The following ZMYND11 variants were observed in gnomAD, a reference collection of about 807,000 sequenced individuals.
ZMYND11 encodes zinc finger MYND domain-containing protein 11.
ZMYND11 carries 9 observed loss-of-function variants against 84.9 expected under a neutral mutation model. That is an observed-to-expected ratio of 0.11 (90% CI 0.06 to 0.18). The LOEUF is 0.18. ZMYND11 is among the 10% of genes least tolerant of loss of function. The pLI, the probability that ZMYND11 is intolerant of heterozygous loss-of-function variation, is 1.00. For missense variants in ZMYND11, 409 were observed against 761.0 expected (o/e 0.54, Z 5.44); for synonymous variants, 250 against 244.1 (o/e 1.02, Z -0.23).
At chr10:210,182 T>TA in intron 3 of ZMYND11, 134 bp downstream of exon 3, 1 of 953,664 alleles carries the variant, frequency 1.0e-6, no homozygotes. Flanking sequence ...ATTAAGGCTC[T>TA]ACATTGGTAG....
At chr10:249,622 T>C (rs1952922248) in intron 14 of ZMYND11, 2 of 985,306 alleles carry the variant, frequency 2.0e-6, no homozygotes, top group South Asian at 4.7e-5. Context: ...CGTGTCCTGC[T>C]CGCCAGTCTC....
intron 11 of ZMYND11, 159 bp downstream of exon 11, chr10:247,132 T>A: frequency 2.5e-6 from 2 of 812,458 alleles, no homozygotes; most frequent in Non-Finnish European, 3.9e-6. Context: ...GCAGTTCAAA[T>A]GAATACATAG....
chr10:234,415 A>G (rs1014773663), intron 4 of ZMYND11, among the ~76,000 whole-genome samples: 1 of 152,214 alleles, frequency 6.6e-6, no homozygotes, highest in African/African-American at 2.4e-5. Context: ...GAAATGATGG[A>G]AGGCTGTGCA....
chr10:205,732 A>G (rs747404242), intron 2 of ZMYND11, among the ~76,000 whole-genome samples: 3 of 151,474 alleles, frequency 2.0e-5, no homozygotes, highest in Non-Finnish European at 4.4e-5. Context: ...GATTCTACAC[A>G]TTTTCTTTTT....
chr10:209,826 T>A, intron 2 of ZMYND11, 63 bp from the exon 3 acceptor site: 1 of 1,474,658 alleles, frequency 6.8e-7, no homozygotes, highest in South Asian at 1.3e-5. Context: ...ATTTTCTTAT[T>A]TTCATTCATT....
intron 2 of ZMYND11, among the ~76,000 whole-genome samples, chr10:186,148 T>C (rs1938358800): frequency 6.6e-6 from 1 of 151,608 alleles, no homozygotes; most frequent in Non-Finnish European, 1.5e-5. Context: ...TAGCTAGGAC[T>C]ACAGGCGCCC....
intron 1 of ZMYND11, among the ~76,000 whole-genome samples, chr10:140,685 T>C (rs1192305554): frequency 6.6e-6 from 1 of 152,202 alleles, no homozygotes; most frequent in Non-Finnish European, 1.5e-5. Flanking sequence ...ATTTAGCACA[T>C]TGGAAAATAT....
chr10:226,235 T>A (rs1037733880), intron 4 of ZMYND11, among the ~76,000 whole-genome samples: 113 of 152,340 alleles, frequency 7.4e-4, no homozygotes, highest in Non-Finnish European at 1.2e-4. Flanking sequence ...CTCTCCCTAG[T>A]ATACACAGCA....
At chr10:195,922 A>G (rs1409163316) in intron 2 of ZMYND11, among the ~76,000 whole-genome samples, 1 of 152,218 alleles carries the variant, frequency 6.6e-6, no homozygotes, top group Non-Finnish European at 1.5e-5. Context: ...AATGGGAGGC[A>G]TGGAAGTTTG....
At chr10:147,845 C>T (rs1435151496) in intron 1 of ZMYND11, 1 of 151,992 alleles carries the variant, frequency 6.6e-6, no homozygotes, top group African/African-American at 2.4e-5. Flanking sequence ...GGGTTGCCAT[C>T]CAGTTTGAAT....
intron 1 of ZMYND11, among the ~76,000 whole-genome samples, chr10:175,827 G>C (rs1293531934): frequency 1.3e-5 from 2 of 152,076 alleles, no homozygotes; most frequent in Admixed American, 1.3e-4. Flanking sequence ...ATACACTTTG[G>C]GGAAAAGTAA....
At chr10:233,127 T>TAG in intron 4 of ZMYND11, among the ~76,000 whole-genome samples, 1 of 152,202 alleles carries the variant, frequency 6.6e-6, no homozygotes, top group East Asian at 1.9e-4. Flanking sequence ...TGGGGGCTTT[T>TAG]AGGACTATGA....
intron 2 of ZMYND11, among the ~76,000 whole-genome samples, chr10:182,414 T>G (rs1260856550): frequency 6.6e-6 from 1 of 152,242 alleles, no homozygotes; most frequent in East Asian, 1.9e-4. Flanking sequence ...TTATTTTTCT[T>G]CATGTTGTAA....
intron 1 of ZMYND11, among the ~76,000 whole-genome samples, chr10:161,994 T>C (rs1041206284): frequency 2.0e-5 from 3 of 152,266 alleles, no homozygotes; most frequent in Non-Finnish European, 2.9e-5. Context: ...GCTTTCCGCC[T>C]GTCTTGGCTT....
At chr10:250,021 A>G (rs1242741052) in intron 14 of ZMYND11, among the ~76,000 whole-genome samples, 1 of 152,192 alleles carries the variant, frequency 6.6e-6, no homozygotes, top group Non-Finnish European at 1.5e-5. Context: ...TAAAAAAACA[A>G]CCTGCACATT....
chr10:153,818 A>G (rs1840999008), intron 1 of ZMYND11, among the ~76,000 whole-genome samples: 2 of 152,194 alleles, frequency 1.3e-5, no homozygotes, highest in Non-Finnish European at 2.9e-5. Flanking sequence ...AAAACAAGCC[A>G]GTTTCTTCCA....
In ZMYND11 at chr10:135,741, G is replaced by A. The variant is rs1352193417; in HGVS notation, c.-20+182G>A. Among the ~76,000 whole-genome samples, 26 of 147,988 alleles carry A rather than the reference G, an allele frequency of 1.8e-4. No individual in the cohort carries two copies. Among genetic ancestry groups the A allele is most frequent in the African/African-American group, 6.4e-4 (26 of 40,938 alleles). Reference sequence around the variant, plus strand: ...CTGCCGGGGAGCTTTGTGGATGGCGGGGCGGGCCGGGCCGGCGGGGCCTGC... The same window carrying A: ...CTGCCGGGGAGCTTTGTGGATGGCGAGGCGGGCCGGGCCGGCGGGGCCTGC... On this transcript the variant is annotated intron_variant, in intron 1 of 14. Transcript: ENST00000381604. The surrounding 1 kb of genome is among the most constrained non-coding windows in gnomAD (Gnocchi z 5.6).
chr10:221,122 G>C, intron 3 of ZMYND11, 73 bp from the exon 4 acceptor site: 1 of 1,361,406 alleles, frequency 7.3e-7, no homozygotes, highest in Non-Finnish European at 1.0e-6. Context: ...ATGGACATTA[G>C]TTTCAATTTT....
At chr10:133,039 AC>A (rs1257570419), upstream of ZMYND11, among the ~76,000 whole-genome samples, 1 of 152,186 alleles carries the variant, frequency 6.6e-6, no homozygotes, top group Non-Finnish European at 1.5e-5. Flanking sequence ...TGGTCCCCAG[AC>A]CCACACACAC....
Sources: gnomAD v4.1 joint callset for allele counts (sites outside exome capture counted in the v4.1 genomes callset) on GRCh38, gnomAD v4.1.1 for gene constraint, Gnocchi (gnomAD v3.1) non-coding constraint, MANE v1.5 for transcripts, NCBI Gene and HGNC (gene_info 2026-07-23, HGNC 2026-07-21) for gene names.